FGF12: variants seen among roughly 807,000 people sequenced by gnomAD.
FGF12 encodes fibroblast growth factor 12.
Under a neutral mutation model 23.6 loss-of-function variants are expected in FGF12, and 14 were observed. The ratio of observed to expected loss-of-function variants is 0.59; its 90% CI spans 0.39 to 0.93. The LOEUF is 0.93. Ranked by LOEUF, FGF12 falls within the 40% of genes least tolerant of loss-of-function variation. The pLI is 0.00. For missense variants in FGF12, 175 were observed against 217.8 expected (o/e 0.80, Z 1.24); for synonymous variants, 62 against 77.3 (o/e 0.80, Z 1.04).
chr3:192,525,587 A>C (rs1258445731), intron 2 of FGF12, among the ~76,000 whole-genome samples: 1 of 152,206 alleles, frequency 6.6e-6, no homozygotes, highest in Non-Finnish European at 1.5e-5. Flanking sequence ...TTTAGCCTCC[A>C]TACTGCCAAA....
intron 2 of FGF12, among the ~76,000 whole-genome samples, chr3:192,454,238 C>T (rs947387230): frequency 2.6e-5 from 4 of 152,046 alleles, no homozygotes; most frequent in African/African-American, 9.7e-5. Flanking sequence ...TGGGGTCTCA[C>T]CGTGTTAGCC....
chr3:192,322,210 A>G (rs1476262210), intron 4 of FGF12, among the ~76,000 whole-genome samples: 6 of 152,074 alleles, frequency 3.9e-5, no homozygotes, highest in African/African-American at 1.4e-4. Context: ...TAAAAAAATC[A>G]ATTTACAATA....
At chr3:192,148,141 C>A (rs1713828782) in intron 5 of FGF12, among the ~76,000 whole-genome samples, 1 of 152,042 alleles carries the variant, frequency 6.6e-6, no homozygotes. Context: ...AAGCAGGGAC[C>A]CCAGCATCTA....
intron 2 of FGF12, among the ~76,000 whole-genome samples, chr3:192,630,809 C>T (rs971784157): frequency 6.6e-6 from 1 of 151,850 alleles, no homozygotes; most frequent in Non-Finnish European, 1.5e-5. Flanking sequence ...CTGCCCGCCT[C>T]GACCTCCCAA....
chr3:192,499,518 T>TATATATATATA (rs60668503), intron 2 of FGF12, among the ~76,000 whole-genome samples: 1 of 15,854 alleles, frequency 6.3e-5, no homozygotes, highest in African/African-American at 2.2e-4. Context: ...ATATATATAT[T>TATATATATATA]TTTTTTTTTT....
chr3:192,471,393 A>T (rs1723169987), intron 2 of FGF12, among the ~76,000 whole-genome samples: 1 of 152,234 alleles, frequency 6.6e-6, no homozygotes, highest in Non-Finnish European at 1.5e-5. Flanking sequence ...CTAATAGAGA[A>T]ATTTGCAAAC....
intron 4 of FGF12, chr3:192,265,399 G>A (rs906047396): frequency 2.0e-5 from 3 of 152,070 alleles, no homozygotes; most frequent in African/African-American, 7.2e-5. Context: ...TGTGTGATGC[G>A]ATGGCCTCAT....
At chr3:192,694,193 T>C (rs997392301) in intron 2 of FGF12, among the ~76,000 whole-genome samples, 3 of 152,134 alleles carry the variant, frequency 2.0e-5, no homozygotes, top group Non-Finnish European at 2.9e-5. Context: ...TACGATGAGA[T>C]ATCACCTCAC....
intron 4 of FGF12, among the ~76,000 whole-genome samples, chr3:192,193,006 G>C (rs564852070): frequency 6.6e-6 from 1 of 152,138 alleles, no homozygotes; most frequent in Non-Finnish European, 1.5e-5. Flanking sequence ...TGCTGTAATT[G>C]TCTTTTTGGG....
chr3:192,686,582 A>C (rs1267119576), intron 2 of FGF12, among the ~76,000 whole-genome samples: 1 of 152,050 alleles, frequency 6.6e-6, no homozygotes, highest in Non-Finnish European at 1.5e-5. Flanking sequence ...TGGGTTACTT[A>C]AGGTAGTATT....
intron 4 of FGF12, among the ~76,000 whole-genome samples, chr3:192,279,457 A>T (rs891153966): frequency 9.9e-5 from 15 of 152,092 alleles, no homozygotes; most frequent in African/African-American, 3.6e-4. Flanking sequence ...TAACAACCCT[A>T]TGAAGTAGTC....
chr3:192,462,488 T>C (rs1161284604), intron 2 of FGF12, among the ~76,000 whole-genome samples: 1 of 152,156 alleles, frequency 6.6e-6, no homozygotes, highest in African/African-American at 2.4e-5. Flanking sequence ...AGAGAGTCCC[T>C]ACCAGCAAGA....
intron 2 of FGF12, among the ~76,000 whole-genome samples, chr3:192,711,297 C>T (rs1219982528): frequency 7.8e-6 from 1 of 128,402 alleles, no homozygotes; most frequent in Non-Finnish European, 1.6e-5. Context: ...GGGGGGCAGC[C>T]CCCACCCAGC....
In FGF12 at chr3:192,722,458, C is replaced by A. The variant is rs545344149; in HGVS notation, c.13+4723G>T. 2.4e-4 allele frequency among the ~76,000 whole-genome samples: 37 copies of A among 152,250 alleles called. 1 individual carries two copies. The South Asian group carries it at 7.5e-3, about 31-fold the overall frequency. On this transcript the variant is annotated intron_variant, in intron 2 of 5. Transcript: ENST00000445105. The stretch of plus-strand genomic sequence containing the variant: ...GTTCTATACCTTAAGTGTGTTGGTT[C>A]ATGGCCCTGACTGAACTCTGATGGC...
At chr3:192,462,393 T>C (rs1451924013) in intron 2 of FGF12, among the ~76,000 whole-genome samples, 1 of 151,978 alleles carries the variant, frequency 6.6e-6, no homozygotes, top group Non-Finnish European at 1.5e-5. Flanking sequence ...TGGCTCTACA[T>C]GAAGAGGAAG....
intron 2 of FGF12, among the ~76,000 whole-genome samples, chr3:192,472,099 C>T (rs113831995): frequency 0.1 from 15,205 of 151,670 alleles, 2,462 homozygotes; most frequent in African/African-American, 0.34. Flanking sequence ...TCACTGCAAC[C>T]TCTGCCTCTC....
chr3:192,694,636 GTACA>G (rs1410224171), intron 2 of FGF12, among the ~76,000 whole-genome samples: 1 of 151,282 alleles, frequency 6.6e-6, no homozygotes, highest in African/African-American at 2.4e-5. Context: ...ATACGTATAC[GTACA>G]TATATATACA....
At chr3:192,211,758 A>C (rs527268207) in intron 4 of FGF12, among the ~76,000 whole-genome samples, 37 of 152,248 alleles carry the variant, frequency 2.4e-4, no homozygotes, top group Admixed American at 6.5e-5. Flanking sequence ...AATATTGTAA[A>C]ATATTGTTAT....
intron 2 of FGF12, among the ~76,000 whole-genome samples, chr3:192,611,117 T>A (rs1297539733): frequency 6.6e-6 from 1 of 152,044 alleles, no homozygotes; most frequent in Non-Finnish European, 1.5e-5. Context: ...TATTAATCAC[T>A]TAATAATCAG....
Sources: allele counts gnomAD v4.1 joint callset (sites outside exome capture counted in the v4.1 genomes callset), GRCh38; gene constraint gnomAD v4.1.1; transcripts MANE v1.5; gene names NCBI Gene and HGNC (gene_info 2026-07-23, HGNC 2026-07-21).